The following NDN variants were observed in gnomAD, a reference collection of about 807,000 sequenced individuals.
NDN encodes the protein necdin.
For missense variants in NDN, 465 were observed against 440.4 expected (o/e 1.06, Z -0.50); for synonymous variants, 245 against 189.4 (o/e 1.29, Z -2.41).
chr15:23,686,117 T>C lies in NDN; in HGVS notation c.*135A>G. On this transcript the variant is annotated 3_prime_UTR_variant, in exon 1 of 1. Transcript: ENST00000649030. Reference sequence around the variant, plus strand: ...TGAATACAACATTGCATTAAAGGTATAAAAGCACTGTACTGAAAACTTAAA... The same window carrying C: ...TGAATACAACATTGCATTAAAGGTACAAAAGCACTGTACTGAAAACTTAAA... The C allele has an allele frequency of 9.4e-7, 1 of 1,066,620 alleles. No individual in the cohort carries two copies. 66.1% of individuals were successfully genotyped at this position (1,066,620 alleles called of 1,614,324 possible).
chr15:23,685,472 T>C lies in NDN; in HGVS notation c.*780A>G, dbSNP rs2140755981. 1 of 152,354 alleles carries C rather than the reference T, an allele frequency of 6.6e-6. No homozygotes were observed. The highest frequency in any genetic ancestry group is 2.1e-4 in the South Asian group (1 of 4,826). The allele number at this position is 152,354 out of a possible 1,614,324, so 9.4% of individuals were successfully genotyped here. On this transcript the variant is annotated 3_prime_UTR_variant, in exon 1 of 1. Coordinates refer to ENST00000649030, the MANE Select transcript of NDN (RefSeq NM_002487.3). Reference sequence around the variant, plus strand: ...CTGTTTTGTTTTGTATACTTTTCTATATTTGTGAATGTTTTTGAAATAAAC... The same window carrying C: ...CTGTTTTGTTTTGTATACTTTTCTACATTTGTGAATGTTTTTGAAATAAAC...
Position 23,686,187 on chromosome 15 carries a change from A to T in NDN, c.*65T>A. The T allele has an allele frequency of 1.3e-6, 2 of 1,482,824 alleles. No individual in the cohort carries two copies. The highest frequency in any genetic ancestry group is 1.8e-6 in the Non-Finnish European group (2 of 1,115,718). 91.9% of individuals were successfully genotyped at this position (1,482,824 alleles called of 1,614,324 possible). On this transcript the variant is annotated 3_prime_UTR_variant, in exon 1 of 1. Transcript: ENST00000649030. Reference sequence around the variant, plus strand: ...ACTGTAAATCCTGAATACTATAATGACCCACCCCCACCCTTCCACAGCCCT... The same window carrying T: ...ACTGTAAATCCTGAATACTATAATGTCCCACCCCCACCCTTCCACAGCCCT...
At position 23,687,166 on chromosome 15, in the gene NDN, G is replaced by A. The variant is rs756051272; in HGVS notation, c.52C>T (p.Pro18Ser). The A allele has an allele frequency of 3.9e-6, 6 of 1,536,460 alleles. No homozygotes were observed. Among genetic ancestry groups the A allele is most frequent in the Non-Finnish European group, 8.7e-7 (1 of 1,146,506 alleles). ...LSDPNFAAEA[P>S]NSEVHSSPGV... Reference sequence around the variant, plus strand: ...GGGCTGCTGTGCACCTCGGAGTTGGGGGCCTCGGCTGCAAAGTTAGGGTCG... The same window carrying A: ...GGGCTGCTGTGCACCTCGGAGTTGGAGGCCTCGGCTGCAAAGTTAGGGTCG... Residue 18 changes from proline to serine, a missense_variant, in exon 1 of 1, where the codon CCC becomes TCC. Transcript: ENST00000649030.
chr15:23,686,118 A>C lies in NDN; in HGVS notation c.*134T>G. ...GAATACAACATTGCATTAAAGGTAT[A>C]AAAGCACTGTACTGAAAACTTAAAA... On this transcript the variant is annotated 3_prime_UTR_variant, in exon 1 of 1. Transcript: ENST00000649030. The C allele has an allele frequency of 9.4e-7, 1 of 1,064,766 alleles. No individual in the cohort carries two copies. Among genetic ancestry groups the C allele is most frequent in the African/African-American group, 1.6e-5 (1 of 63,170 alleles). 66.0% of individuals were successfully genotyped at this position (1,064,766 alleles called of 1,614,324 possible).
Position 23,685,655 on chromosome 15 carries a change from T to C in NDN, c.*597A>G, listed in dbSNP as rs555756816. 6.6e-6 allele frequency: 1 copy of C among 152,316 alleles called. No homozygotes were observed. Among genetic ancestry groups the C allele is most frequent in the South Asian group, 2.1e-4 (1 of 4,818 alleles). 9.4% of individuals were successfully genotyped at this position (152,316 alleles called of 1,614,324 possible). On this transcript the variant is annotated 3_prime_UTR_variant, in exon 1 of 1. Transcript: ENST00000649030. ...TCCCAACCATACTGCTTTGTTAAAA[T>C]GATAAAGTACACTTTTCCAAAAATG...
chr15:23,687,275 C>G lies in NDN; in HGVS notation c.-58G>C. The G allele has an allele frequency of 2.2e-6, 3 of 1,345,924 alleles. No individual in the cohort carries two copies. Among genetic ancestry groups the G allele is most frequent in the Non-Finnish European group, 2.9e-6 (3 of 1,041,938 alleles). 83.4% of individuals were successfully genotyped at this position (1,345,924 alleles called of 1,614,324 possible). On this transcript the variant is annotated 5_prime_UTR_variant, in exon 1 of 1. Transcript: ENST00000649030. Reference sequence around the variant, plus strand: ...CGTCCAGGAGCTCTTCGAGCCTGCGCTCCCTCCGCGGATTCCTGGAGAGGA... The same window carrying G: ...CGTCCAGGAGCTCTTCGAGCCTGCGGTCCCTCCGCGGATTCCTGGAGAGGA...
rs1166477589 is a variant in NDN at position 23,685,581 on chromosome 15, G to T, written c.*671C>A. On this transcript the variant is annotated 3_prime_UTR_variant, in exon 1 of 1. Transcript: ENST00000649030. ...AGTAGCGATTTTTCCCACCCTATTAGGGGAAATAGTTGTATCTGTATACAC... is the reference window on the plus strand; with the variant it reads ...AGTAGCGATTTTTCCCACCCTATTATGGGAAATAGTTGTATCTGTATACAC... The T allele has an allele frequency of 6.6e-6, 1 of 152,114 alleles. No homozygotes were observed. Among genetic ancestry groups the T allele is most frequent in the South Asian group, 2.1e-4 (1 of 4,832 alleles). The allele number at this position is 152,114 out of a possible 1,614,324, so 9.4% of individuals were successfully genotyped here. A position where few individuals can be genotyped will look rare whatever the true frequency, so the allele number is the denominator to read the frequency against.
In NDN at chr15:23,685,740, T is replaced by C. The variant is rs1482610228; in HGVS notation, c.*512A>G. The C allele has an allele frequency of 2.6e-5, 4 of 152,228 alleles. No individual in the cohort carries two copies. Among genetic ancestry groups the C allele is most frequent in the African/African-American group, 9.7e-5 (4 of 41,440 alleles). The allele number at this position is 152,228 out of a possible 1,614,324, so 9.4% of individuals were successfully genotyped here. Reference sequence around the variant, plus strand: ...AGTTGACTCACGGTGGGGTTGTATATGTGTTTAGTAAAGTGTGCCAAGTGC... The same window carrying C: ...AGTTGACTCACGGTGGGGTTGTATACGTGTTTAGTAAAGTGTGCCAAGTGC... On this transcript the variant is annotated 3_prime_UTR_variant, in exon 1 of 1. Transcript: ENST00000649030.
chr15:23,686,744 G>T lies in NDN; in HGVS notation c.474C>A (p.Thr158=). ...ARVFGLHLRL[T]SLHTMEFALV... The stretch of plus-strand genomic sequence containing the variant: ...GCGCAAACTCCATGGTGTGCAGGCT[G>T]GTTAGCCTCAGGTGCAGCCCGAACA... Residue 158 remains threonine (T), a synonymous_variant, in exon 1 of 1, where the codon ACC becomes ACA. Transcript: ENST00000649030. 1 of 1,614,032 alleles carries T rather than the reference G, an allele frequency of 6.2e-7. No individual in the cohort carries two copies. The highest frequency in any genetic ancestry group is 1.7e-5 in the Admixed American group (1 of 60,034).
rs549788947 is a variant in NDN, at chr15:23,686,285, G to T, written c.933C>A (p.Ala311=). 9.9e-6 allele frequency: 15 copies of T among 1,514,294 alleles called. No individual in the cohort carries two copies. The South Asian group carries it at 1.9e-4, about 19-fold the overall frequency. The allele number at this position is 1,514,294 out of a possible 1,614,324, so 93.8% of individuals were successfully genotyped here. ...ARALREANPT[A]HYPRSSVSED is the part of the protein sequence containing the mutation. The stretch of plus-strand genomic sequence containing the variant: ...CAGAGACACTGCTGCGAGGGTAGTG[G>T]GCAGTGGGATTAGCCTCCCGCAGAG... The change falls in exon 1 of 1, where the codon GCC becomes GCA. Residue 311 remains alanine (A), a synonymous_variant. Coordinates refer to ENST00000649030, the MANE Select transcript of NDN (RefSeq NM_002487.3).
rs1457139055 is a variant in NDN at position 23,687,275 on chromosome 15, C to A, written c.-58G>T. 12 of 1,345,816 alleles carry A rather than the reference C, an allele frequency of 8.9e-6. No individual in the cohort carries two copies. Among genetic ancestry groups the A allele is most frequent in the East Asian group, 8.5e-5 (3 of 35,478 alleles). 83.4% of individuals were successfully genotyped at this position (1,345,816 alleles called of 1,614,324 possible). On this transcript the variant is annotated 5_prime_UTR_variant, in exon 1 of 1. Transcript: ENST00000649030. ...CGTCCAGGAGCTCTTCGAGCCTGCG[C>A]TCCCTCCGCGGATTCCTGGAGAGGA... is the stretch of plus-strand genomic sequence containing the variant.
chr15:23,686,194 C>G lies in NDN; in HGVS notation c.*58G>C. ...ATCCTGAATACTATAATGACCCACC[C>G]CCACCCTTCCACAGCCCTGGTGAGG... On this transcript the variant is annotated 3_prime_UTR_variant, in exon 1 of 1. Coordinates refer to ENST00000649030, the MANE Select transcript of NDN (RefSeq NM_002487.3). 3.3e-6 allele frequency: 5 copies of G among 1,494,540 alleles called. No individual in the cohort carries two copies. Among genetic ancestry groups the G allele is most frequent in the Non-Finnish European group, 4.4e-6 (5 of 1,124,866 alleles). The allele number at this position is 1,494,540 out of a possible 1,614,324, so 92.6% of individuals were successfully genotyped here.
Position 23,687,139 on chromosome 15 carries a change from C to A in NDN, c.79G>T (p.Gly27Trp). 6.4e-7 allele frequency: 1 copy of A among 1,574,096 alleles called. No individual in the cohort carries two copies. The highest frequency in any genetic ancestry group is 2.5e-5 in the East Asian group (1 of 40,508). ...GACGGAGGAACCCCCTCCGAAACCCCAGGGCTGCTGTGCACCTCGGAGTTG... is the reference window on the plus strand; with the variant it reads ...GACGGAGGAACCCCCTCCGAAACCCAAGGGCTGCTGTGCACCTCGGAGTTG... ...APNSEVHSSP[G>W]VSEGVPPSAT... The change falls in exon 1 of 1, where the codon GGG becomes TGG. Residue 27 changes from glycine to tryptophan, a missense_variant. Physicochemically the swap from Gly to Trp is radical, Grantham distance 184. Transcript: ENST00000649030.
Position 23,686,655 on chromosome 15 carries a change from G to A in NDN, c.563C>T (p.Thr188Ile). 6.2e-7 allele frequency: 1 copy of A among 1,613,624 alleles called. No homozygotes were observed. Among genetic ancestry groups the A allele is most frequent in the Non-Finnish European group, 8.5e-7 (1 of 1,180,010 alleles). The change falls in exon 1 of 1, where the codon ACA becomes ATA. Residue 188 changes from threonine (T) to isoleucine (I), a missense_variant. By Grantham distance (89) the Thr-to-Ile change is moderately conservative. Coordinates refer to ENST00000649030, the MANE Select transcript of NDN (RefSeq NM_002487.3). ...GCTCAGGATCATGAGCAGGAGGCCT[G>A]TCATGGGCATGCGGTTGCTCAGCGC... Reference protein sequence around the residue: ...RVALSNRMPMTGLLLMILSLI... With the variant: ...RVALSNRMPMIGLLLMILSLI...
In NDN at chr15:23,685,933, A is replaced by G. The variant is rs1201278341; in HGVS notation, c.*319T>C. Reference sequence around the variant, plus strand: ...CCCCAACACACATCATCAGTCCCATATAAAAGAATAAGATGGAAACTTTCT... The same window carrying G: ...CCCCAACACACATCATCAGTCCCATGTAAAAGAATAAGATGGAAACTTTCT... On this transcript the variant is annotated 3_prime_UTR_variant, in exon 1 of 1. Transcript: ENST00000649030. 1 of 174,408 alleles carries G rather than the reference A, an allele frequency of 5.7e-6. No homozygotes were observed. The highest frequency in any genetic ancestry group is 1.2e-5 in the Non-Finnish European group (1 of 82,826). The allele number at this position is 174,408 out of a possible 1,614,324, so 10.8% of individuals were successfully genotyped here.
chr15:23,686,393 G>T lies in NDN; in HGVS notation c.825C>A (p.Ile275=), dbSNP rs762132398. ...RASREITKMQ[I]MEFLARVFKK... is the part of the protein sequence containing the mutation. ...TAAAGACCCTGGCCAGGAACTCCAT[G>T]ATTTGCATCTTGGTGATTTCGCGGC... The change falls in exon 1 of 1, where the codon ATC becomes ATA. Residue 275 remains isoleucine (I), a synonymous_variant. Coordinates refer to ENST00000649030, the MANE Select transcript of NDN (RefSeq NM_002487.3). 1 of 1,608,192 alleles carries T rather than the reference G, an allele frequency of 6.2e-7. No homozygotes were observed. The highest frequency in any genetic ancestry group is 8.5e-7 in the Non-Finnish European group (1 of 1,176,472).
chr15:23,686,986 G>A lies in NDN; in HGVS notation c.232C>T (p.Arg78Cys), dbSNP rs1264117528. The change falls in exon 1 of 1, where the codon CGC becomes TGC. Residue 78 changes from arginine (R) to cysteine (C), a missense_variant. Physicochemically the swap from Arg to Cys is radical, Grantham distance 180. Transcript: ENST00000649030. ...GCCGCGCTCGGGGCCTGGTGGGCGC[G>A]GCCCTCCTCCGCAGCCTGCTGCAGG... ...KALQQAAEEG[R>C]AHQAPSAAQP... 6.8e-7 allele frequency: 1 copy of A among 1,481,436 alleles called. No homozygotes were observed. The highest frequency in any genetic ancestry group is 8.9e-7 in the Non-Finnish European group (1 of 1,123,634). The allele number at this position is 1,481,436 out of a possible 1,614,324, so 91.8% of individuals were successfully genotyped here. A position where few individuals can be genotyped will look rare whatever the true frequency, so the allele number is the denominator to read the frequency against.
rs750065030 is a variant in NDN at position 23,686,695 on chromosome 15, C to T, written c.523G>A (p.Glu175Lys). ...FALVKALEPE[E>K]LDRVALSNRM... Reference sequence around the variant, plus strand: ...TTGCTCAGCGCCACCCTGTCCAGCTCCTCGGGCTCCAGCGCTTTGACCAGC... The same window carrying T: ...TTGCTCAGCGCCACCCTGTCCAGCTTCTCGGGCTCCAGCGCTTTGACCAGC... Residue 175 changes from glutamate (E) to lysine (K), a missense_variant, in exon 1 of 1, where the codon GAG becomes AAG. Physicochemically the swap from Glu to Lys is moderately conservative, Grantham distance 56. Transcript: ENST00000649030. The T allele has an allele frequency of 6.2e-7, 1 of 1,613,680 alleles. No individual in the cohort carries two copies. The highest frequency in any genetic ancestry group is 1.1e-5 in the South Asian group (1 of 91,060).
rs1471816851 is a variant in NDN at position 23,685,861 on chromosome 15, G to A, written c.*391C>T. ...GAAGGGCCTTGACTTTTCTTGGTTAGGCCGGCTTTGCTGGTGACTTCTTCC... is the reference window on the plus strand; with the variant it reads ...GAAGGGCCTTGACTTTTCTTGGTTAAGCCGGCTTTGCTGGTGACTTCTTCC... On this transcript the variant is annotated 3_prime_UTR_variant, in exon 1 of 1. Coordinates refer to ENST00000649030, the MANE Select transcript of NDN (RefSeq NM_002487.3). The A allele has an allele frequency of 6.5e-6, 1 of 154,892 alleles. No homozygotes were observed. The highest frequency in any genetic ancestry group is 6.5e-5 in the Admixed American group (1 of 15,466). The allele number at this position is 154,892 out of a possible 1,614,324, so 9.6% of individuals were successfully genotyped here.
Sources: gnomAD v4.1 joint callset for allele counts on GRCh38, gnomAD v4.1.1 for gene constraint, MANE v1.5 for transcripts, NCBI Gene and HGNC (gene_info 2026-07-23, HGNC 2026-07-21) for gene names.